The following SLU7 variants were observed in gnomAD, a reference collection of about 807,000 sequenced individuals.
The protein encoded by SLU7 is pre-mRNA-splicing factor SLU7.
Under a neutral mutation model 87.0 loss-of-function variants are expected in SLU7, and 60 were observed. That is an observed-to-expected ratio of 0.69 (90% confidence interval 0.56 to 0.86). The LOEUF is 0.86. Ranked by LOEUF, SLU7 falls within the 40% of genes least tolerant of loss-of-function variation. The pLI, the probability that SLU7 is intolerant of heterozygous loss-of-function variation, is 0.00. For synonymous variants in SLU7, 197 were observed against 222.0 expected, an observed-to-expected ratio of 0.89 and a Z score of 1.00; for missense variants, 507 against 686.6, an observed-to-expected ratio of 0.74 and a Z score of 2.92.
At chr5:160,412,896 C>T (rs539282986) in intron 5 of SLU7, among the ~76,000 whole-genome samples, 1 of 151,800 alleles carries the variant, frequency 6.6e-6, no homozygotes, top group South Asian at 2.1e-4. Flanking sequence ...AAGATGAAAT[C>T]CAGATTTTTA....
chr5:160,402,173 A>G lies in SLU7; in HGVS notation c.*1112T>C, dbSNP rs781175008. ...ACAAAGTAACAGCTGCTGGCTATAA[A>G]TATTAGGATATTCTACAATTTAAAA... On this transcript the variant is annotated 3_prime_UTR_variant, in exon 16 of 16. Coordinates refer to ENST00000297151, the MANE Select transcript of SLU7 (RefSeq NM_006425.5). 6.6e-6 allele frequency: 1 copy of G among 152,244 alleles called. No homozygotes were observed. Among genetic ancestry groups the G allele is most frequent in the Non-Finnish European group, 1.5e-5 (1 of 68,042 alleles). The allele number at this position is 152,244 out of a possible 1,614,324, so 9.4% of individuals were successfully genotyped here. A position where few individuals can be genotyped will look rare whatever the true frequency, so the allele number is the denominator to read the frequency against.
In SLU7 at chr5:160,403,445, GCCT is replaced by G. The variant is rs1363504963; in HGVS notation, c.1598_1600del (p.Glu533del). 3.1e-6 allele frequency: 5 copies of G among 1,609,172 alleles called. No homozygotes were observed. The Admixed American group carries it at 8.5e-5, about 27-fold the overall frequency. ...GGTCTCCTTGACATGAAGAAGGCGG[GCCT>G]CCTCTGCGTTCAGTGCCTATAGTGA... On this transcript the variant is annotated inframe_deletion, in exon 16 of 16. Coordinates refer to ENST00000297151, the MANE Select transcript of SLU7 (RefSeq NM_006425.5).
intron 6 of SLU7, among the ~76,000 whole-genome samples, chr5:160,411,411 GT>G (rs1765230475): frequency 1.3e-5 from 2 of 151,904 alleles, no homozygotes; most frequent in Non-Finnish European, 2.9e-5. Context: ...TAAAGATGAG[GT>G]TTCACCATGT....
intron 12 of SLU7, 69 bp downstream of exon 12, chr5:160,406,399 T>C: frequency 1.4e-5 from 16 of 1,154,618 alleles, no homozygotes; most frequent in Non-Finnish European, 1.9e-5. Context: ...GCTAATAAAG[T>C]TGTAGTGGAA....
At chr5:160,408,977 CAA>C (rs1487736398) in intron 6 of SLU7, among the ~76,000 whole-genome samples, 1 of 150,926 alleles carries the variant, frequency 6.6e-6, no homozygotes, top group Non-Finnish European at 1.5e-5. Flanking sequence ...ATTCTGAATA[CAA>C]GAGTGCCATT....
chr5:160,404,818 G>T lies in SLU7; in HGVS notation c.1455C>A (p.Thr485=), dbSNP rs748152255. 6.9e-6 allele frequency: 11 copies of T among 1,605,452 alleles called. No individual in the cohort carries two copies. Among genetic ancestry groups the T allele is most frequent in the Middle Eastern group, 1.6e-4 (1 of 6,066 alleles). Residue 485 remains threonine (T), a synonymous_variant, in exon 14 of 16, where the codon ACC becomes ACA. Transcript: ENST00000297151. ...ATGATTATCAACTTACCTCCATGAG[G>T]GTTTGAGGTTTTTTCACAGATTCTT... ...TGEESVKKPQ[T]LMELHQEKLK... is the part of the protein sequence containing the mutation.
intron 12 of SLU7, 152 bp from the exon 13 acceptor site, chr5:160,405,287 G>A: frequency 3.3e-6 from 2 of 603,230 alleles, no homozygotes; most frequent in Non-Finnish European, 5.9e-6. Flanking sequence ...GGAGAAGGTA[G>A]TCTGACCTGA....
Position 160,405,148 on chromosome 5 carries a change from A to G in SLU7, c.1288-13T>C. On this transcript the variant is annotated splice_polypyrimidine_tract_variant and intron_variant, in intron 12 of 15. Transcript: ENST00000297151. ...ATCCCCAGATATGCTGCAGAGAGAG[A>G]AATTAAAAAGCTTAAAAAGGAAGCT... 1.9e-6 allele frequency: 3 copies of G among 1,585,542 alleles called. No individual in the cohort carries two copies. Among genetic ancestry groups the G allele is most frequent in the Non-Finnish European group, 2.6e-6 (3 of 1,155,426 alleles).
chr5:160,408,304 T>C (rs200622113), intron 8 of SLU7, 25 bp downstream of exon 8: 495 of 1,595,254 alleles, frequency 3.1e-4, no homozygotes, highest in Middle Eastern at 1.1e-3. Context: ...TTTTCAAATA[T>C]GTATGTTAAG....
Position 160,417,131 on chromosome 5 carries a change from G to A in SLU7, c.-16-1821C>T, listed in dbSNP as rs1396451480. 3.3e-5 allele frequency: 5 copies of A among 152,312 alleles called. No individual in the cohort carries two copies. The East Asian group carries it at 9.6e-4, about 29-fold the overall frequency. 9.4% of individuals were successfully genotyped at this position (152,312 alleles called of 1,614,324 possible). On this transcript the variant is annotated intron_variant, in intron 1 of 15. Coordinates refer to ENST00000297151, the MANE Select transcript of SLU7 (RefSeq NM_006425.5). ...ACTTACTTCTTTAGTAAATTGGCAG[G>A]TCTGGGCTATGTCTTCATTGGCAAT...
At chr5:160,414,203 C>T in intron 3 of SLU7, 116 bp downstream of exon 3, 1 of 849,732 alleles carries the variant, frequency 1.2e-6, no homozygotes, top group Non-Finnish European at 1.8e-6. Context: ...AATTTCAATA[C>T]CAGATAAAGG....
rs1764791442 is a variant in SLU7 at position 160,401,706 on chromosome 5, C to T, written c.*1579G>A. 1 of 152,214 alleles carries T rather than the reference C, an allele frequency of 6.6e-6. No homozygotes were observed. The highest frequency in any genetic ancestry group is 2.4e-5 in the African/African-American group (1 of 41,448). The allele number at this position is 152,214 out of a possible 1,614,324, so 9.4% of individuals were successfully genotyped here. The stretch of plus-strand genomic sequence containing the variant: ...ATAAAATACAAAACGGACACAACAT[C>T]AGCCTTTATGTTGAACCACCCTGTT... On this transcript the variant is annotated 3_prime_UTR_variant, in exon 16 of 16. Coordinates refer to ENST00000297151, the MANE Select transcript of SLU7 (RefSeq NM_006425.5).
chr5:160,404,299 A>G, intron 15 of SLU7, 141 bp downstream of exon 15: 1 of 597,160 alleles, frequency 1.7e-6, no homozygotes, highest in Non-Finnish European at 3.0e-6. Context: ...TATGAGGTGG[A>G]GCTTGCAGTG....
rs12522744 is a variant in SLU7 at position 160,413,693 on chromosome 5, A to T, written c.406-73T>A. ...AAGGAAAACTTCATACAACTTTTACAGAGTGGGCACTTTACGATCTATTCA... is the reference window on the plus strand; with the variant it reads ...AAGGAAAACTTCATACAACTTTTACTGAGTGGGCACTTTACGATCTATTCA... On this transcript the variant is annotated intron_variant, in intron 4 of 15. Transcript: ENST00000297151. 7 of 1,368,706 alleles carry T rather than the reference A, an allele frequency of 5.1e-6. No individual in the cohort carries two copies. In the East Asian group the frequency reaches 6.9e-5, roughly 14 times the overall value. The allele number at this position is 1,368,706 out of a possible 1,614,324, so 84.8% of individuals were successfully genotyped here.
At position 160,413,989 on chromosome 5, in the gene SLU7, T is replaced by C. The variant is rs1176349031; in HGVS notation, c.325-10A>G. The C allele has an allele frequency of 1.3e-6, 2 of 1,506,782 alleles. No homozygotes were observed. Among genetic ancestry groups the C allele is most frequent in the South Asian group, 1.3e-5 (1 of 77,588 alleles). The allele number at this position is 1,506,782 out of a possible 1,614,324, so 93.3% of individuals were successfully genotyped here. A position where few individuals can be genotyped will look rare whatever the true frequency, so the allele number is the denominator to read the frequency against. ...TAGTAATTATGGAATTCTATAAATATATATAAAGAAAAACAAAAATGTCTT... is the reference window on the plus strand; with the variant it reads ...TAGTAATTATGGAATTCTATAAATACATATAAAGAAAAACAAAAATGTCTT... On this transcript the variant is annotated splice_polypyrimidine_tract_variant and intron_variant, in intron 3 of 15. Coordinates refer to ENST00000297151, the MANE Select transcript of SLU7 (RefSeq NM_006425.5).
In SLU7 at chr5:160,406,284, T is replaced by C. The variant is rs1765007357; in HGVS notation, c.1287+184A>G. 8.3e-6 allele frequency: 4 copies of C among 483,838 alleles called. No homozygotes were observed. The South Asian group carries it at 1.4e-4, about 17-fold the overall frequency. 30.0% of individuals were successfully genotyped at this position (483,838 alleles called of 1,614,324 possible). On this transcript the variant is annotated intron_variant, in intron 12 of 15. Transcript: ENST00000297151. ...TTTCAGAATTTAGATGATGGGTATATAGATGAACATAGTATTCCTTCAAAA... is the reference window on the plus strand; with the variant it reads ...TTTCAGAATTTAGATGATGGGTATACAGATGAACATAGTATTCCTTCAAAA...
chr5:160,416,741 G>A lies in SLU7; in HGVS notation c.-16-1431C>T, dbSNP rs184113974. On this transcript the variant is annotated intron_variant, in intron 1 of 15. Transcript: ENST00000297151. ...AAGTTATTACTTTTTCCTACTTACT[G>A]GACTCTTCTGATTCCCTCCAATCAA... Among the ~76,000 whole-genome samples, 454 of 152,216 alleles carry A rather than the reference G, an allele frequency of 3.0e-3. 6 individuals are homozygous for A. The highest frequency in any genetic ancestry group is 0.01 in the African/African-American group (428 of 41,532).
rs750078788 is a variant in SLU7 at position 160,404,795 on chromosome 5, G to A, written c.1464+14C>T. 1.3e-6 allele frequency: 2 copies of A among 1,580,126 alleles called. No individual in the cohort carries two copies. The highest frequency in any genetic ancestry group is 1.3e-5 in the African/African-American group (1 of 74,324). ...CAGGACTTAAAAATTCAGGACAAAT[G>A]ATTATCAACTTACCTCCATGAGGGT... On this transcript the variant is annotated intron_variant, in intron 14 of 15. Coordinates refer to ENST00000297151, the MANE Select transcript of SLU7 (RefSeq NM_006425.5).
chr5:160,414,384 G>T lies in SLU7; in HGVS notation c.259C>A (p.Pro87Thr). ...SKRPTLKHQR[P>T]QPEKQKQFSS... ...AACTGCTTTTGTTTTTCTGGTTGTG[G>T]TCTCTGGTGTTTTAAAGTAGGTCTT... The change falls in exon 3 of 16, where the codon CCA (proline) becomes ACA (threonine). Residue 87 changes from proline (P) to threonine (T), a missense_variant. Physicochemically the swap from Pro to Thr is conservative, Grantham distance 38 (BLOSUM62 -1). Coordinates refer to ENST00000297151, the MANE Select transcript of SLU7 (RefSeq NM_006425.5). 1 of 1,611,712 alleles carries T rather than the reference G, an allele frequency of 6.2e-7. No homozygotes were observed. The highest frequency in any genetic ancestry group is 8.5e-7 in the Non-Finnish European group (1 of 1,178,794).
Sources: allele counts gnomAD v4.1 joint callset (sites outside exome capture counted in the v4.1 genomes callset), GRCh38; gene constraint gnomAD v4.1.1; transcripts MANE v1.5; gene names NCBI Gene and HGNC (gene_info 2026-07-23, HGNC 2026-07-21).